Variants in SH2D1A observed in about 807,000 individuals in gnomAD.
SH2D1A encodes the protein SH2 domain-containing protein 1A.
Under a neutral mutation model 10.1 loss-of-function variants are expected in SH2D1A, and 6 were observed. The ratio of observed to expected loss-of-function variants is 0.60; its 90% CI spans 0.33 to 1.18. The LOEUF (loss-of-function observed/expected upper bound fraction) is 1.18, where lower values mean the gene tolerates loss of function less well. SH2D1A is among the 50% of genes most tolerant of loss of function. The probability of loss-of-function intolerance (pLI) is 0.04; values close to 1 mark genes in which losing one functional copy is unlikely to be tolerated. For synonymous variants in SH2D1A, 42 were observed against 36.9 expected, an observed-to-expected ratio of 1.14 and a Z score of -0.51; for missense variants, 51 against 97.6, an observed-to-expected ratio of 0.52 and a Z score of 2.01.
intron 2 of SH2D1A, among the ~76,000 whole-genome samples, chrX:124,366,494 T>G (rs772985851): frequency 1.8e-5 from 2 of 111,454 alleles, no homozygotes; most frequent in South Asian, 7.6e-4. Flanking sequence ...CAGTGAGCCC[T>G]CAAAAAAGTG....
At chrX:124,352,072 T>C (rs955045541) in intron 1 of SH2D1A, among the ~76,000 whole-genome samples, 1 of 111,480 alleles carries the variant, frequency 9.0e-6, no homozygotes, top group African/African-American at 3.2e-5. Flanking sequence ...TAGAAAGTCC[T>C]TTCCCCTTGA....
chrX:124,365,556 TAAAG>T (rs928488609), intron 1 of SH2D1A, among the ~76,000 whole-genome samples: 2 of 111,324 alleles, frequency 1.8e-5, no homozygotes, highest in Non-Finnish European at 3.8e-5. Context: ...AATGAAAAGA[TAAAG>T]AAATCTCACT....
intron 1 of SH2D1A, among the ~76,000 whole-genome samples, chrX:124,354,657 C>T (rs1266746931): frequency 1.8e-5 from 2 of 111,339 alleles, no homozygotes; most frequent in South Asian, 3.8e-4. Flanking sequence ...AGAGTACTTA[C>T]CTCACAGGGT....
chrX:124,366,527 T>G (rs1453293796), intron 2 of SH2D1A, among the ~76,000 whole-genome samples: 1 of 111,479 alleles, frequency 9.0e-6, no homozygotes, highest in Non-Finnish European at 1.9e-5. Context: ...TTGCCACAAC[T>G]CCTATTAATA....
chrX:124,352,145 A>C (rs1323993978), intron 1 of SH2D1A, among the ~76,000 whole-genome samples: 1 of 111,133 alleles, frequency 9.0e-6, no homozygotes, highest in Admixed American at 9.7e-5. Context: ...GTTTACATTT[A>C]CCTCTTTAAT....
chrX:124,371,277 A>G (rs1171949872), intron 3 of SH2D1A, 74 bp from the exon 4 acceptor site: 2 of 717,230 alleles, frequency 2.8e-6, no homozygotes, highest in East Asian at 3.3e-5. Context: ...TGGAAATTTT[A>G]TAAGTTTGAG....
At chrX:124,364,069 A>T (rs1314227210) in intron 1 of SH2D1A, among the ~76,000 whole-genome samples, 1 of 109,892 alleles carries the variant, frequency 9.1e-6, no homozygotes. Flanking sequence ...CTACTTATAT[A>T]AAAAAAAGTT....
intron 3 of SH2D1A, among the ~76,000 whole-genome samples, chrX:124,370,965 G>T (rs1340496242): frequency 5.4e-5 from 6 of 111,940 alleles, no homozygotes; most frequent in African/African-American, 1.6e-4. Context: ...ATTGAATGGG[G>T]TTTATCATTT....
intron 1 of SH2D1A, among the ~76,000 whole-genome samples, chrX:124,350,494 T>C (rs866524933): frequency 3.0e-3 from 104 of 34,970 alleles, no homozygotes; most frequent in African/African-American, 8.4e-3. Flanking sequence ...TATTATATAC[T>C]ATATATAATA....
chrX:124,366,938 C>T (rs1569527615), intron 2 of SH2D1A, among the ~76,000 whole-genome samples: 1 of 107,391 alleles, frequency 9.3e-6, no homozygotes. Flanking sequence ...TATTATTTCG[C>T]CAGAAATAGC....
At chrX:124,351,846 C>T (rs1419784857) in intron 1 of SH2D1A, among the ~76,000 whole-genome samples, 2 of 110,339 alleles carry the variant, frequency 1.8e-5, no homozygotes, top group East Asian at 2.8e-4. Context: ...GGTATCCTTT[C>T]GAAGTTTGGT....
Position 124,350,985 on chromosome X carries a change from TTA to T in SH2D1A, c.137+4216_137+4217del, listed in dbSNP as rs1317190426. 2.9e-3 allele frequency among the ~76,000 whole-genome samples: 123 copies of T among 41,955 alleles called. 2 individuals carry two copies. Among genetic ancestry groups the T allele is most frequent in the Non-Finnish European group, 3.8e-3 (109 of 28,449 alleles). 36.4% of individuals were successfully genotyped at this position (41,955 alleles called of 115,157 possible). ...TATATTGTATATAAGATATAATATA[TTA>T]TATATATATTATAAATATGTATATT... On this transcript the variant is annotated intron_variant, in intron 1 of 3. Transcript: ENST00000371139.
chrX:124,365,859 CAAG>C lies in SH2D1A; in HGVS notation c.201+36_201+38del, dbSNP rs754675335. The C allele has an allele frequency of 6.8e-6, 6 of 885,611 alleles. No individual in the cohort carries two copies. In the African/African-American group the frequency reaches 1.2e-4, roughly 17 times the overall value. The allele number at this position is 885,611 out of a possible 1,213,427, so 73.0% of individuals were successfully genotyped here. ...TATTTATTTTTGCTTCTGGGGGTGT[CAAG>C]GAGGTATTTGAAATTTAGGCTGGTT... On this transcript the variant is annotated intron_variant, in intron 2 of 3. Transcript: ENST00000371139.
At chrX:124,369,380 G>C (rs1350913947) in intron 2 of SH2D1A, among the ~76,000 whole-genome samples, 1 of 112,017 alleles carries the variant, frequency 8.9e-6, no homozygotes, top group African/African-American at 3.2e-5. Context: ...CAGTGTCTTT[G>C]CAAGACAACT....
At chrX:124,355,025 T>C (rs1393605294) in intron 1 of SH2D1A, among the ~76,000 whole-genome samples, 3 of 112,980 alleles carry the variant, frequency 2.7e-5, no homozygotes, top group Non-Finnish European at 5.6e-5. Flanking sequence ...TTCCTCTGGA[T>C]ATAAAAGTTC....
intron 1 of SH2D1A, among the ~76,000 whole-genome samples, chrX:124,359,203 G>T (rs1008124863): frequency 1.8e-5 from 2 of 111,583 alleles, no homozygotes; most frequent in East Asian, 2.8e-4. Flanking sequence ...TGGTACTCAG[G>T]TTCCTGCTAC....
At chrX:124,360,485 A>G (rs1365719359) in intron 1 of SH2D1A, among the ~76,000 whole-genome samples, 1 of 99,389 alleles carries the variant, frequency 1.0e-5, no homozygotes, top group Non-Finnish European at 2.0e-5. Flanking sequence ...AGCTAGGCAC[A>G]GCAGTGTGCA....
At position 124,346,904 on chromosome X, in the gene SH2D1A, C is replaced by T. The variant is rs993723399; in HGVS notation, c.137+125C>T. On this transcript the variant is annotated intron_variant, in intron 1 of 3. Transcript: ENST00000371139. The stretch of plus-strand genomic sequence containing the variant: ...GTTAGCAGCTCGCCGACGCCTCCTC[C>T]GTGGCCCACCCTCAAGTCCAGCCCA... 116 of 771,693 alleles carry T rather than the reference C, an allele frequency of 1.5e-4. No individual in the cohort carries two copies. The South Asian group carries it at 2.0e-3, about 13-fold the overall frequency. The allele number at this position is 771,693 out of a possible 1,213,427, so 63.6% of individuals were successfully genotyped here. A position where few individuals can be genotyped will look rare whatever the true frequency, so the allele number is the denominator to read the frequency against.
chrX:124,368,026 G>T (rs928126125), intron 2 of SH2D1A, among the ~76,000 whole-genome samples: 2 of 111,735 alleles, frequency 1.8e-5, no homozygotes, highest in African/African-American at 6.5e-5. Flanking sequence ...CCAGTCATTT[G>T]CTTATGAAAC....
Sources: gnomAD v4.1 joint callset for allele counts (sites outside exome capture counted in the v4.1 genomes callset) on GRCh38, gnomAD v4.1.1 for gene constraint, MANE v1.5 for transcripts, NCBI Gene and HGNC (gene_info 2026-07-23, HGNC 2026-07-21) for gene names.